The following SH2D4A variants were observed in gnomAD, a reference collection of about 807,000 sequenced individuals.
SH2D4A encodes the protein SH2 domain-containing protein 4A.
A neutral mutation model predicts 64.7 loss-of-function variants in SH2D4A; 70 were observed. That is an observed-to-expected ratio of 1.08 (90% confidence interval 0.89 to 1.32). SH2D4A has a LOEUF of 1.32. SH2D4A is among the 40% of genes most tolerant of loss of function. The probability of loss-of-function intolerance (pLI) is 0.00; values close to 1 mark genes in which losing one functional copy is unlikely to be tolerated. For synonymous variants in SH2D4A, 268 were observed against 200.7 expected (o/e 1.34, Z -2.83); for missense variants, 706 against 540.1 (o/e 1.31, Z -3.04).
At chr8:19,347,920 A>G (rs951149190) in intron 4 of SH2D4A, among the ~76,000 whole-genome samples, 2 of 152,138 alleles carry the variant, frequency 1.3e-5, no homozygotes, top group Admixed American at 6.6e-5. Flanking sequence ...GCATGCATAC[A>G]TGCACACACA....
intron 5 of SH2D4A, 186 bp from the exon 6 acceptor site, chr8:19,361,017 G>A (rs944854419): frequency 7.4e-6 from 3 of 407,534 alleles, no homozygotes; most frequent in Non-Finnish European, 1.3e-5. Flanking sequence ...GCTAGCAATG[G>A]TCAGTCTTAC....
In SH2D4A at chr8:19,326,762, G is replaced by T. The variant is rs114752480; in HGVS notation, c.182-6193G>T. Among the ~76,000 whole-genome samples the T allele has an allele frequency of 4.5e-3, 682 of 152,260 alleles. 3 individuals carry two copies. The highest frequency in any genetic ancestry group is 0.015 in the African/African-American group (631 of 41,550). ...GTGATTGCCCATCAGGTTGAATCCA[G>T]TGGGGGTGGAGACCAAGAGCTGACT... is the stretch of plus-strand genomic sequence containing the variant. On this transcript the variant is annotated intron_variant, in intron 2 of 9. Transcript: ENST00000265807.
chr8:19,315,851 C>T (rs568771235), intron 1 of SH2D4A, among the ~76,000 whole-genome samples: 1 of 152,362 alleles, frequency 6.6e-6, no homozygotes, highest in East Asian at 1.9e-4. Flanking sequence ...TCTACCCTGG[C>T]TCCACCAGGC....
At chr8:19,315,654 T>C (rs1489657461) in intron 1 of SH2D4A, among the ~76,000 whole-genome samples, 1 of 152,200 alleles carries the variant, frequency 6.6e-6, no homozygotes, top group Non-Finnish European at 1.5e-5. Context: ...CATTTCTCTC[T>C]TTTAAGAAAG....
chr8:19,387,878 A>G (rs750314862), intron 8 of SH2D4A, among the ~76,000 whole-genome samples: 2 of 152,356 alleles, frequency 1.3e-5, no homozygotes, highest in East Asian at 3.9e-4. Context: ...AATAAGCCCT[A>G]GTTAATAAGC....
chr8:19,389,870 T>C (rs2053458548), intron 8 of SH2D4A, among the ~76,000 whole-genome samples: 1 of 152,080 alleles, frequency 6.6e-6, no homozygotes, highest in South Asian at 2.1e-4. Flanking sequence ...TAAGACCCTG[T>C]CTTAAAAAAA....
intron 8 of SH2D4A, among the ~76,000 whole-genome samples, chr8:19,382,708 A>G (rs1157335223): frequency 1.3e-5 from 2 of 151,764 alleles, no homozygotes; most frequent in African/African-American, 2.4e-5. Flanking sequence ...TTATTGGCCC[A>G]CTGCTGTCTG....
intron 2 of SH2D4A, among the ~76,000 whole-genome samples, chr8:19,321,245 ACT>A (rs1439070822): frequency 2.6e-5 from 4 of 151,878 alleles, no homozygotes; most frequent in Admixed American, 6.6e-5. Flanking sequence ...ATGGAGTCTC[ACT>A]CTGTCGCCCT....
intron 8 of SH2D4A, among the ~76,000 whole-genome samples, chr8:19,379,789 C>G (rs914944678): frequency 4.6e-5 from 7 of 151,990 alleles, no homozygotes; most frequent in Admixed American, 1.3e-4. Flanking sequence ...TAGGCTGGAG[C>G]GCAGTGGCAC....
In SH2D4A at chr8:19,393,541, G is replaced by A. The variant is rs1280419332; in HGVS notation, c.1272G>A (p.Lys424=). The change falls in exon 9 of 10, where the codon AAG becomes AAA. Residue 424 remains lysine, a splice_region_variant and synonymous_variant. Transcript: ENST00000265807. The part of the protein sequence containing the change: ...ATLADLVEYH[K]EEPITSLGKE... ...TGGCGGATTTGGTGGAATATCACAA[G>A]GTGAAGCAATGCATAAACTTAATTT... 2 of 1,613,976 alleles carry A rather than the reference G, an allele frequency of 1.2e-6. No individual in the cohort carries two copies. Among genetic ancestry groups the A allele is most frequent in the South Asian group, 1.1e-5 (1 of 91,064 alleles).
Position 19,333,079 on chromosome 8 carries a change from C to A in SH2D4A, c.306C>A (p.Ala102=). The A allele has an allele frequency of 6.2e-7, 1 of 1,613,658 alleles. No individual in the cohort carries two copies. Among genetic ancestry groups the A allele is most frequent in the Non-Finnish European group, 8.5e-7 (1 of 1,179,930 alleles). Residue 102 remains alanine, a synonymous_variant, in exon 3 of 10, where the codon GCC becomes GCA. Transcript: ENST00000265807. ...GTAATGAAATTATTGCTGAGAGGGCCCGGCTGAAAGCAGAACAGGAGGCAG... is the reference window on the plus strand; with the variant it reads ...GTAATGAAATTATTGCTGAGAGGGCACGGCTGAAAGCAGAACAGGAGGCAG... ...VLCNEIIAER[A]RLKAEQEAEE...
At chr8:19,386,434 G>T (rs1278597831) in intron 8 of SH2D4A, among the ~76,000 whole-genome samples, 1 of 152,204 alleles carries the variant, frequency 6.6e-6, no homozygotes, top group Non-Finnish European at 1.5e-5. Context: ...GTAATGTGGG[G>T]AATAGCCCAT....
At chr8:19,392,952 A>AG (rs1004873040) in intron 8 of SH2D4A, among the ~76,000 whole-genome samples, 3 of 152,106 alleles carry the variant, frequency 2.0e-5, no homozygotes, top group African/African-American at 7.2e-5. Flanking sequence ...CGTATTAGTC[A>AG]GGATGGTCTC....
chr8:19,370,452 T>G (rs539618830), intron 7 of SH2D4A, among the ~76,000 whole-genome samples: 52 of 152,174 alleles, frequency 3.4e-4, no homozygotes, highest in Non-Finnish European at 6.2e-4. Context: ...TTATAACTGT[T>G]CTTGCTGTAT....
At chr8:19,352,476 T>G (rs1231059997) in intron 4 of SH2D4A, among the ~76,000 whole-genome samples, 1 of 152,216 alleles carries the variant, frequency 6.6e-6, no homozygotes, top group African/African-American at 2.4e-5. Flanking sequence ...TGCATAAATA[T>G]TCATGGCAGT....
chr8:19,328,946 AT>A (rs2052327346), intron 2 of SH2D4A, among the ~76,000 whole-genome samples: 1 of 152,102 alleles, frequency 6.6e-6, no homozygotes, highest in Non-Finnish European at 1.5e-5. Flanking sequence ...CAGGTCCTAA[AT>A]TTCAGTCCCT....
intron 8 of SH2D4A, among the ~76,000 whole-genome samples, chr8:19,390,425 G>A (rs1422592489): frequency 6.6e-6 from 1 of 152,078 alleles, no homozygotes; most frequent in South Asian, 2.1e-4. Context: ...TTAGATTTTG[G>A]TTTTGTGCTC....
At chr8:19,390,125 C>A (rs541109977) in intron 8 of SH2D4A, among the ~76,000 whole-genome samples, 2 of 152,218 alleles carry the variant, frequency 1.3e-5, no homozygotes, top group South Asian at 4.1e-4. Flanking sequence ...ATCCCACTAT[C>A]ATCCCAGCAC....
chr8:19,322,018 A>C (rs928827254), intron 2 of SH2D4A, among the ~76,000 whole-genome samples: 1 of 152,208 alleles, frequency 6.6e-6, no homozygotes, highest in Non-Finnish European at 1.5e-5. Context: ...ATAAGTGGGG[A>C]AAGTTCTATC....
Sources: allele counts gnomAD v4.1 joint callset (sites outside exome capture counted in the v4.1 genomes callset), GRCh38; gene constraint gnomAD v4.1.1; transcripts MANE v1.5; gene names NCBI Gene and HGNC (gene_info 2026-07-23, HGNC 2026-07-21).